The following MAPKAPK2 variants were observed in gnomAD, a reference collection of about 807,000 sequenced individuals.
MAPKAPK2 encodes MAP kinase-activated protein kinase 2.
Under a neutral mutation model 48.8 loss-of-function variants are expected in MAPKAPK2, and 9 were observed. The ratio of observed to expected loss-of-function variants is 0.18; its 90% CI spans 0.11 to 0.32. The LOEUF is 0.32. MAPKAPK2 is among the 10% of genes least tolerant of loss of function. The pLI is 1.00. For synonymous variants in MAPKAPK2, 202 were observed against 190.6 expected, an observed-to-expected ratio of 1.06 and a Z score of -0.49; for missense variants, 331 against 498.3, an observed-to-expected ratio of 0.66 and a Z score of 3.20.
rs1353202343 is a variant in MAPKAPK2, at chr1:206,684,958, C to G, written c.-272C>G. On this transcript the variant is annotated 5_prime_UTR_variant, in exon 1 of 10. Coordinates refer to ENST00000367103, the MANE Select transcript of MAPKAPK2 (RefSeq NM_032960.4). The stretch of plus-strand genomic sequence containing the variant: ...TACATTGTCGCGCGGCCGCTTCCCC[C>G]CGGCCGGGCCCCCGCCGCCCCGCGG... 4.6e-4 allele frequency: 71 copies of G among 153,390 alleles called. 1 individual carries two copies. In the South Asian group the frequency reaches 0.015, roughly 32 times the overall value. The allele number at this position is 153,390 out of a possible 1,614,324, so 9.5% of individuals were successfully genotyped here. A position where few individuals can be genotyped will look rare whatever the true frequency, so the allele number is the denominator to read the frequency against.
intron 4 of MAPKAPK2, 44 bp downstream of exon 4, chr1:206,729,519 A>G: frequency 6.5e-7 from 1 of 1,548,832 alleles, no homozygotes; most frequent in East Asian, 2.2e-5. Context: ...TGTGGGGGGC[A>G]ACAAAGGGGC....
At chr1:206,702,403 ACATCATTCCAG>A (rs1405501180) in intron 1 of MAPKAPK2, among the ~76,000 whole-genome samples, 2 of 152,304 alleles carry the variant, frequency 1.3e-5, no homozygotes, top group African/African-American at 4.8e-5. Flanking sequence ...CAGAGATGCA[ACATCATTCCAG>A]GATCCTTCCA....
intron 1 of MAPKAPK2, among the ~76,000 whole-genome samples, chr1:206,715,637 T>TAC (rs1673304237): frequency 6.6e-6 from 1 of 150,572 alleles, no homozygotes; most frequent in Admixed American, 6.6e-5. Flanking sequence ...TTCTTTTTTT[T>TAC]TTTTTTTGAG....
rs74380837 is a variant in MAPKAPK2, at chr1:206,693,075, C to T, written c.279+7567C>T. ...CCACTTTCGTCCTCCGGCGGGGCTC[C>T]TTATCCTCCTGCTTGTCTACAGGGA... is the stretch of plus-strand genomic sequence containing the variant. On this transcript the variant is annotated intron_variant, in intron 1 of 9. Transcript: ENST00000367103. Among the ~76,000 whole-genome samples the T allele has an allele frequency of 9.0e-3, 1,369 of 152,260 alleles. 19 individuals carry two copies. The highest frequency in any genetic ancestry group is 0.031 in the African/African-American group (1,308 of 41,548).
Position 206,731,862 on chromosome 1 carries a change from C to G in MAPKAPK2, c.1002C>G (p.Thr334=). 1 of 1,614,156 alleles carries G rather than the reference C, an allele frequency of 6.2e-7. No individual in the cohort carries two copies. Among genetic ancestry groups the G allele is most frequent in the Non-Finnish European group, 8.5e-7 (1 of 1,180,022 alleles). The part of the protein sequence containing the change: ...WIMQSTKVPQ[T]PLHTSRVLKE... ...AGCAATCAACAAAGGTCCCTCAAAC[C>G]CCACTGCACACCAGCCGGGTCCTGA... The change falls in exon 9 of 10, where the codon ACC becomes ACG. Residue 334 remains threonine, a synonymous_variant. Transcript: ENST00000367103. The surrounding 1 kb of genome is among the most constrained non-coding windows in gnomAD (Gnocchi z 5.9).
At chr1:206,687,998 G>A (rs1478354120) in intron 1 of MAPKAPK2, among the ~76,000 whole-genome samples, 1 of 152,172 alleles carries the variant, frequency 6.6e-6, no homozygotes, top group African/African-American at 2.4e-5. Context: ...GCCTATAGTC[G>A]GTGACCTCTT....
In MAPKAPK2 at chr1:206,704,568, C is replaced by G. The variant is rs145877508; in HGVS notation, c.279+19060C>G. On this transcript the variant is annotated intron_variant, in intron 1 of 9. Coordinates refer to ENST00000367103, the MANE Select transcript of MAPKAPK2 (RefSeq NM_032960.4). The surrounding 1 kb of genome is among the most constrained non-coding windows in gnomAD (Gnocchi z 4.3). Reference sequence around the variant, plus strand: ...GGGAGGACTTGATGAGGGAATAAAACCAGCCGGCTCATCTAGGGGCTGATA... The same window carrying G: ...GGGAGGACTTGATGAGGGAATAAAAGCAGCCGGCTCATCTAGGGGCTGATA... Among the ~76,000 whole-genome samples the G allele has an allele frequency of 3.2e-3, 486 of 152,306 alleles. 7 individuals carry two copies. The highest frequency in any genetic ancestry group is 0.011 in the African/African-American group (458 of 41,548).
Position 206,732,141 on chromosome 1 carries a change from C to A in MAPKAPK2, c.1059+222C>A. The A allele has an allele frequency of 6.2e-7, 1 of 1,613,900 alleles. No homozygotes were observed. Among genetic ancestry groups the A allele is most frequent in the South Asian group, 1.1e-5 (1 of 91,084 alleles). Reference sequence around the variant, plus strand: ...AAACTCAGTGCTGTTTCTTAGAATCCTTTTATTCCCTGGGTCTCTAATGGG... The same window carrying A: ...AAACTCAGTGCTGTTTCTTAGAATCATTTTATTCCCTGGGTCTCTAATGGG... On this transcript the variant is annotated intron_variant, in intron 9 of 9. Coordinates refer to ENST00000367103, the MANE Select transcript of MAPKAPK2 (RefSeq NM_032960.4). The surrounding 1 kb of genome is among the most constrained non-coding windows in gnomAD (Gnocchi z 4.4).
intron 1 of MAPKAPK2, among the ~76,000 whole-genome samples, chr1:206,702,544 G>C (rs1672828768): frequency 6.6e-6 from 1 of 152,248 alleles, no homozygotes; most frequent in South Asian, 2.1e-4. Context: ...TCTGCATCCT[G>C]CTCCGTAGGG....
Position 206,731,332 on chromosome 1 carries a change from G to A in MAPKAPK2, c.892+70G>A, listed in dbSNP as rs1460825718. 7.5e-6 allele frequency: 12 copies of A among 1,594,566 alleles called. No individual in the cohort carries two copies. Among genetic ancestry groups the A allele is most frequent in the East Asian group, 2.3e-5 (1 of 44,174 alleles). On this transcript the variant is annotated intron_variant, in intron 7 of 9. Transcript: ENST00000367103. This position sits in a 1 kb window ranked among gnomAD's most constrained non-coding sequence, Gnocchi z 5.9. Reference sequence around the variant, plus strand: ...TGTGTGTGTGTGTATGTGTGTACACGCAGACACATGTATGGGCCTCCATCT... The same window carrying A: ...TGTGTGTGTGTGTATGTGTGTACACACAGACACATGTATGGGCCTCCATCT...
chr1:206,715,247 C>T lies in MAPKAPK2; in HGVS notation c.280-13463C>T, dbSNP rs78557289. On this transcript the variant is annotated intron_variant, in intron 1 of 9. Transcript: ENST00000367103. Reference sequence around the variant, plus strand: ...TTTTGTGTGTTAGAGTCTCTGTCCCCATCCCAGGGCCACTTCCTCCCTGGT... The same window carrying T: ...TTTTGTGTGTTAGAGTCTCTGTCCCTATCCCAGGGCCACTTCCTCCCTGGT... Among the ~76,000 whole-genome samples the T allele has an allele frequency of 2.0e-4, 31 of 152,340 alleles. 2 individuals are homozygous for T. In the East Asian group the frequency reaches 6.0e-3, roughly 29 times the overall value.
At chr1:206,713,677 G>T (rs1421795402) in intron 1 of MAPKAPK2, among the ~76,000 whole-genome samples, 3 of 152,122 alleles carry the variant, frequency 2.0e-5, no homozygotes, top group Admixed American at 6.5e-5. Context: ...GACCAGCCTG[G>T]CCAACATGTG....
intron 6 of MAPKAPK2, among the ~76,000 whole-genome samples, 179 bp from the exon 7 acceptor site, chr1:206,730,959 C>T (rs1553432550): frequency 6.6e-6 from 1 of 152,196 alleles, no homozygotes. Context: ...GCCTTAGATA[C>T]TTGCTATGCT....
At chr1:206,695,950 C>T (rs1310466197) in intron 1 of MAPKAPK2, 1 of 687,528 alleles carries the variant, frequency 1.5e-6, no homozygotes, top group African/African-American at 1.8e-5. Context: ...ACCTGGGCCC[C>T]AGGTCCAGGG....
chr1:206,711,405 CA>C (rs1673135289), intron 1 of MAPKAPK2, among the ~76,000 whole-genome samples: 1 of 152,096 alleles, frequency 6.6e-6, no homozygotes, highest in African/African-American at 2.4e-5. Flanking sequence ...TGCGTACCAC[CA>C]CACCCAGCTA....
At chr1:206,719,199 A>G (rs575399457) in intron 1 of MAPKAPK2, among the ~76,000 whole-genome samples, 9 of 152,196 alleles carry the variant, frequency 5.9e-5, no homozygotes, top group Non-Finnish European at 1.3e-4. Flanking sequence ...GAAATATTTT[A>G]AAGATTTGTC....
chr1:206,694,983 A>G (rs1672570520), intron 1 of MAPKAPK2, among the ~76,000 whole-genome samples: 1 of 152,168 alleles, frequency 6.6e-6, no homozygotes, highest in Non-Finnish European at 1.5e-5. Flanking sequence ...CACGAGCATC[A>G]TGTCCTTTCC....
chr1:206,722,502 G>A (rs908123500), intron 1 of MAPKAPK2, among the ~76,000 whole-genome samples: 2 of 152,148 alleles, frequency 1.3e-5, no homozygotes, highest in Non-Finnish European at 2.9e-5. Flanking sequence ...TGTCTGTTGC[G>A]TGTATTATAT....
At chr1:206,716,338 G>C (rs531824312) in intron 1 of MAPKAPK2, among the ~76,000 whole-genome samples, 21 of 152,302 alleles carry the variant, frequency 1.4e-4, no homozygotes, top group Non-Finnish European at 2.6e-4. Flanking sequence ...TTCTCTCACT[G>C]TGTAGGAAAG....
Sources: gnomAD v4.1 joint callset for allele counts (sites outside exome capture counted in the v4.1 genomes callset) on GRCh38, gnomAD v4.1.1 for gene constraint, Gnocchi (gnomAD v3.1) non-coding constraint, MANE v1.5 for transcripts, NCBI Gene and HGNC (gene_info 2026-07-23, HGNC 2026-07-21) for gene names.